RAMP1: variants seen among roughly 807,000 people sequenced by gnomAD.
RAMP1 encodes receptor activity-modifying protein 1.
RAMP1 carries 7 observed loss-of-function variants against 8.2 expected under a neutral mutation model. That is an observed-to-expected ratio of 0.85 (90% CI 0.49 to 1.60). The LOEUF (loss-of-function observed/expected upper bound fraction) is 1.60. RAMP1 is among the 40% of genes most tolerant of loss of function. The probability of loss-of-function intolerance (pLI) is 0.00; values close to 1 mark genes in which losing one functional copy is unlikely to be tolerated. For missense variants in RAMP1, 192 were observed against 202.4 expected (o/e 0.95, Z 0.31); for synonymous variants, 92 against 84.7 (o/e 1.09, Z -0.47).
intron 2 of RAMP1, among the ~76,000 whole-genome samples, chr2:237,887,555 G>A (rs1475404261): frequency 1.3e-5 from 2 of 152,252 alleles, no homozygotes; most frequent in Admixed American, 6.5e-5. Context: ...CCCAGGCAGT[G>A]GAGGCCGCCT....
At chr2:237,859,390 G>A (rs1263088644), upstream of RAMP1, among the ~76,000 whole-genome samples, 1 of 152,056 alleles carries the variant, frequency 6.6e-6, no homozygotes, top group African/African-American at 2.4e-5. Flanking sequence ...TTATTTGCTC[G>A]GAGAACATTT....
At chr2:237,903,480 T>C (rs34715806) in intron 2 of RAMP1, among the ~76,000 whole-genome samples, 1 of 152,112 alleles carries the variant, frequency 6.6e-6, no homozygotes, top group Non-Finnish European at 1.5e-5. Flanking sequence ...TTGCTATGAG[T>C]GCCTGCCTCA....
chr2:237,880,168 G>A (rs1338654048), intron 2 of RAMP1, among the ~76,000 whole-genome samples: 2 of 151,650 alleles, frequency 1.3e-5, no homozygotes, highest in Admixed American at 6.6e-5. Flanking sequence ...TGTGTCACAC[G>A]GCAAAGGGGA....
chr2:237,905,955 G>C (rs2062646708), intron 2 of RAMP1, among the ~76,000 whole-genome samples: 1 of 148,236 alleles, frequency 6.7e-6, no homozygotes, highest in African/African-American at 2.5e-5. Flanking sequence ...AGGTTGCAGT[G>C]AGCTGAGATT....
At chr2:237,897,596 G>A (rs1368667476) in intron 2 of RAMP1, among the ~76,000 whole-genome samples, 1 of 152,154 alleles carries the variant, frequency 6.6e-6, no homozygotes. Flanking sequence ...GTGGTAAAGT[G>A]CAATATTTAG....
At chr2:237,864,703 A>G (rs1401369147) in intron 1 of RAMP1, among the ~76,000 whole-genome samples, 1 of 152,234 alleles carries the variant, frequency 6.6e-6, no homozygotes, top group Admixed American at 6.5e-5. Context: ...CCCCCAGAGG[A>G]TGATCCCACA....
chr2:237,859,830 G>T, intron 1 of RAMP1, 103 bp downstream of exon 1: 2 of 1,090,578 alleles, frequency 1.8e-6, no homozygotes, highest in Non-Finnish European at 1.2e-6. Flanking sequence ...GAGCGGGTGG[G>T]GGCGGGCGCC....
chr2:237,905,182 C>T (rs2062640061), intron 2 of RAMP1, among the ~76,000 whole-genome samples: 1 of 152,074 alleles, frequency 6.6e-6, no homozygotes, highest in South Asian at 2.1e-4. Context: ...GGAGTTAAAG[C>T]CAGGGTGTAT....
chr2:237,891,493 T>C (rs1346909206), intron 2 of RAMP1, among the ~76,000 whole-genome samples: 1 of 152,244 alleles, frequency 6.6e-6, no homozygotes. Context: ...CTTGACTTTC[T>C]TCTCAAGACA....
At chr2:237,902,356 A>G (rs1326033867) in intron 2 of RAMP1, among the ~76,000 whole-genome samples, 1 of 134,692 alleles carries the variant, frequency 7.4e-6, no homozygotes, top group Non-Finnish European at 1.6e-5. Flanking sequence ...GGCTGGGAGG[A>G]GGAGGGAGAG....
At chr2:237,903,041 G>C (rs956181307) in intron 2 of RAMP1, among the ~76,000 whole-genome samples, 3 of 152,050 alleles carry the variant, frequency 2.0e-5, no homozygotes, top group Non-Finnish European at 4.4e-5. Context: ...TTATTTAGCA[G>C]AGAGACTGGG....
intron 2 of RAMP1, among the ~76,000 whole-genome samples, chr2:237,885,515 C>T (rs926190146): frequency 3.3e-5 from 5 of 152,386 alleles, no homozygotes; most frequent in Middle Eastern, 6.8e-3. Context: ...CTGTGCTCTC[C>T]CTGGTGGCTG....
At chr2:237,886,361 C>T (rs1437525275) in intron 2 of RAMP1, among the ~76,000 whole-genome samples, 1 of 152,178 alleles carries the variant, frequency 6.6e-6, no homozygotes, top group African/African-American at 2.4e-5. Context: ...GTGTTCAGGT[C>T]AGGGGTTGCC....
intron 1 of RAMP1, among the ~76,000 whole-genome samples, chr2:237,864,303 T>C (rs919065639): frequency 6.6e-6 from 1 of 152,174 alleles, no homozygotes; most frequent in African/African-American, 2.4e-5. Context: ...GTCAGTGATT[T>C]GCCCAACCAT....
intron 2 of RAMP1, among the ~76,000 whole-genome samples, chr2:237,899,099 C>G (rs896049224): frequency 1.1e-4 from 17 of 150,774 alleles, no homozygotes; most frequent in African/African-American, 3.4e-4. Flanking sequence ...GAGACTGGGT[C>G]ACACTCTGTC....
At position 237,862,198 on chromosome 2, in the gene RAMP1, A is replaced by G. The variant is rs1344104467; in HGVS notation, c.52+2471A>G. Among the ~76,000 whole-genome samples the G allele has an allele frequency of 1.3e-5, 2 of 152,200 alleles. No individual in the cohort carries two copies. Among genetic ancestry groups the G allele is most frequent in the African/African-American group, 2.4e-5 (1 of 41,436 alleles). The stretch of plus-strand genomic sequence containing the variant: ...TAAATACAAGTAGAATTGGAATGAC[A>G]GGGACATCACAGGAAATGCTATGTG... On this transcript the variant is annotated intron_variant, in intron 1 of 2. Transcript: ENST00000254661. This position sits in a 1 kb window ranked among gnomAD's most constrained non-coding sequence, Gnocchi z 4.0.
chr2:237,879,035 C>T (rs2062338551), intron 2 of RAMP1, among the ~76,000 whole-genome samples: 1 of 152,206 alleles, frequency 6.6e-6, no homozygotes, highest in Non-Finnish European at 1.5e-5. Flanking sequence ...TTCAGGGCCT[C>T]CTTTTCTAAG....
In RAMP1 at chr2:237,878,014, G is replaced by A. The variant is rs763602693; in HGVS notation, c.191+652G>A. On this transcript the variant is annotated intron_variant, in intron 2 of 2. Coordinates refer to ENST00000254661, the MANE Select transcript of RAMP1 (RefSeq NM_005855.4). The surrounding 1 kb of genome is among the most constrained non-coding windows in gnomAD (Gnocchi z 5.7). Reference sequence around the variant, plus strand: ...GCAGGCCCAGGCTCCTCTGCCTCCAGAGCGGCGATCAGAACTCGGCATGTC... The same window carrying A: ...GCAGGCCCAGGCTCCTCTGCCTCCAAAGCGGCGATCAGAACTCGGCATGTC... 4.1e-6 allele frequency: 4 copies of A among 985,484 alleles called. No individual in the cohort carries two copies. The African/African-American group carries it at 7.0e-5, about 17-fold the overall frequency. 61.0% of individuals were successfully genotyped at this position (985,484 alleles called of 1,614,324 possible).
chr2:237,872,808 C>T (rs912832387), intron 1 of RAMP1, among the ~76,000 whole-genome samples: 1 of 152,166 alleles, frequency 6.6e-6, no homozygotes, highest in Non-Finnish European at 1.5e-5. Flanking sequence ...GGGACGATGC[C>T]CAGGAGTTCA....
Sources: gnomAD v4.1 joint callset for allele counts (sites outside exome capture counted in the v4.1 genomes callset) on GRCh38, gnomAD v4.1.1 for gene constraint, Gnocchi (gnomAD v3.1) non-coding constraint, MANE v1.5 for transcripts, NCBI Gene and HGNC (gene_info 2026-07-23, HGNC 2026-07-21) for gene names.